The following CACNA2D3 variants were observed in gnomAD, a reference collection of about 807,000 sequenced individuals.
The protein encoded by CACNA2D3 is voltage-dependent calcium channel subunit alpha-2/delta-3.
In CACNA2D3, 60 loss-of-function variants were observed where a neutral mutation model predicts 160.6. That is an observed-to-expected ratio of 0.37 (90% CI 0.30 to 0.46). The LOEUF (loss-of-function observed/expected upper bound fraction) is 0.46, where lower values mean the gene tolerates loss of function less well. CACNA2D3 is among the 20% of genes least tolerant of loss of function. CACNA2D3 has a pLI of 1.00. For missense variants in CACNA2D3, 1,205 were observed against 1,365.0 expected, an observed-to-expected ratio of 0.88 and a Z score of 1.85; for synonymous variants, 558 against 492.9, an observed-to-expected ratio of 1.13 and a Z score of -1.75.
chr3:54,243,319 T>A (rs1435104418), intron 2 of CACNA2D3, among the ~76,000 whole-genome samples: 4 of 152,244 alleles, frequency 2.6e-5, no homozygotes, highest in Non-Finnish European at 5.9e-5. Flanking sequence ...AAAAATGGAA[T>A]GGGTGCCCTT....
At chr3:54,129,203 C>T (rs1699657832) in intron 2 of CACNA2D3, among the ~76,000 whole-genome samples, 1 of 152,182 alleles carries the variant, frequency 6.6e-6, no homozygotes, top group South Asian at 2.1e-4. Context: ...GTACTTTGGC[C>T]TGTACTTACA....
chr3:54,760,327 A>G (rs914690095), intron 12 of CACNA2D3, among the ~76,000 whole-genome samples: 20 of 152,100 alleles, frequency 1.3e-4, no homozygotes, highest in African/African-American at 4.8e-4. Flanking sequence ...CAGCAAGTGC[A>G]CAGGCCCTGA....
At chr3:54,969,761 A>C in intron 28 of CACNA2D3, 39 bp from the exon 29 acceptor site, 1 of 1,599,456 alleles carries the variant, frequency 6.3e-7, no homozygotes, top group Non-Finnish European at 8.6e-7. Flanking sequence ...TGCCCAAGTA[A>C]CATAGTAACA....
At chr3:54,250,893 C>G (rs1049425377) in intron 2 of CACNA2D3, among the ~76,000 whole-genome samples, 2 of 152,010 alleles carry the variant, frequency 1.3e-5, no homozygotes, top group Non-Finnish European at 2.9e-5. Context: ...CAGACAGCAG[C>G]TGGGTAGTGA....
At chr3:54,274,215 C>CATATATATATATATAT (rs148715563) in intron 2 of CACNA2D3, among the ~76,000 whole-genome samples, 57 of 149,980 alleles carry the variant, frequency 3.8e-4, no homozygotes, top group Admixed American at 1.5e-3. Flanking sequence ...GATTTCTATG[C>CATATATATATATATAT]ATATATATAT....
intron 13 of CACNA2D3, among the ~76,000 whole-genome samples, chr3:54,814,643 C>T (rs1380002810): frequency 6.6e-6 from 1 of 152,170 alleles, no homozygotes; most frequent in African/African-American, 2.4e-5. Context: ...TCTTTGTTCT[C>T]GTAAGTTATT....
At chr3:54,896,095 T>G (rs1700181598) in intron 25 of CACNA2D3, among the ~76,000 whole-genome samples, 1 of 151,788 alleles carries the variant, frequency 6.6e-6, no homozygotes, top group Non-Finnish European at 1.5e-5. Context: ...TGAAAATGAG[T>G]GTGATTTTGA....
chr3:54,861,518 A>G (rs145937939), intron 17 of CACNA2D3, among the ~76,000 whole-genome samples: 400 of 152,292 alleles, frequency 2.6e-3, no homozygotes, highest in East Asian at 7.7e-3. Context: ...ATGAGGAGCT[A>G]TGAGGATTCC....
chr3:54,972,898 C>G (rs530654688), intron 29 of CACNA2D3, among the ~76,000 whole-genome samples: 1 of 152,240 alleles, frequency 6.6e-6, no homozygotes, highest in East Asian at 1.9e-4. Flanking sequence ...GACATCTTTA[C>G]CGAGCCCTTC....
chr3:54,866,406 G>A (rs567084332), intron 17 of CACNA2D3, among the ~76,000 whole-genome samples: 6 of 152,264 alleles, frequency 3.9e-5, no homozygotes, highest in African/African-American at 1.4e-4. Context: ...GCTGAGGACT[G>A]CGGCTGCCTG....
At chr3:54,941,697 C>T (rs1701470531) in intron 27 of CACNA2D3, among the ~76,000 whole-genome samples, 1 of 152,198 alleles carries the variant, frequency 6.6e-6, no homozygotes, top group South Asian at 2.1e-4. Context: ...GTAATAATTT[C>T]TTCCTGCTAA....
Position 55,044,676 on chromosome 3 carries a change from C to A in CACNA2D3, c.2987+26359C>A, listed in dbSNP as rs1446964325. On this transcript the variant is annotated intron_variant, in intron 35 of 37. Coordinates refer to ENST00000474759, the MANE Select transcript of CACNA2D3 (RefSeq NM_018398.3). Reference sequence around the variant, plus strand: ...GTGAATAGGAGAGTGCCAGCAGACACCCTGGCCATGTTCCCAGTTTTAGGG... The same window carrying A: ...GTGAATAGGAGAGTGCCAGCAGACAACCTGGCCATGTTCCCAGTTTTAGGG... 1.2e-4 allele frequency among the ~76,000 whole-genome samples: 19 copies of A among 152,096 alleles called. 1 individual carries two copies. The South Asian group carries it at 3.1e-3, about 25-fold the overall frequency.
At chr3:54,290,618 A>G (rs1703165491) in intron 2 of CACNA2D3, among the ~76,000 whole-genome samples, 1 of 150,890 alleles carries the variant, frequency 6.6e-6, no homozygotes, top group African/African-American at 2.5e-5. Context: ...ACGTATGTTT[A>G]TTGCGGCACT....
At chr3:55,039,217 C>T (rs1057502068) in intron 35 of CACNA2D3, among the ~76,000 whole-genome samples, 2 of 152,040 alleles carry the variant, frequency 1.3e-5, no homozygotes, top group African/African-American at 2.4e-5. Flanking sequence ...ACAGTGAGTC[C>T]CATGCCAGGA....
intron 35 of CACNA2D3, among the ~76,000 whole-genome samples, chr3:55,066,718 A>G (rs1185027723): frequency 1.3e-5 from 2 of 152,142 alleles, no homozygotes; most frequent in African/African-American, 2.4e-5. Context: ...CTGGCAATGG[A>G]CACATCAAAA....
At chr3:54,301,668 C>T (rs1299481297) in intron 2 of CACNA2D3, among the ~76,000 whole-genome samples, 2 of 152,100 alleles carry the variant, frequency 1.3e-5, no homozygotes, top group Non-Finnish European at 2.9e-5. Context: ...GTACTGGTTC[C>T]ACTTTTCCTT....
chr3:54,663,237 A>C (rs1351207700), intron 11 of CACNA2D3, among the ~76,000 whole-genome samples: 1 of 152,132 alleles, frequency 6.6e-6, no homozygotes, highest in Non-Finnish European at 1.5e-5. Flanking sequence ...GCCAGAACTG[A>C]CTAGCCTCTC....
chr3:54,871,221 A>AC (rs113544503), intron 17 of CACNA2D3, among the ~76,000 whole-genome samples: 58,525 of 140,824 alleles, frequency 0.42, 12,415 homozygotes, highest in East Asian at 0.73. Context: ...ACACACACAC[A>AC]CACCCCCCAT....
At chr3:54,797,200 T>A (rs1038007793) in intron 13 of CACNA2D3, among the ~76,000 whole-genome samples, 14 of 152,212 alleles carry the variant, frequency 9.2e-5, no homozygotes, top group South Asian at 2.1e-4. Context: ...TAGGGTAAGT[T>A]CTAGATCAAC....
Sources: allele counts gnomAD v4.1 joint callset (sites outside exome capture counted in the v4.1 genomes callset), GRCh38; gene constraint gnomAD v4.1.1; transcripts MANE v1.5; gene names NCBI Gene and HGNC (gene_info 2026-07-23, HGNC 2026-07-21).